Variants in EIF3G observed in about 807,000 individuals in gnomAD.
EIF3G encodes eukaryotic translation initiation factor 3 subunit G.
A neutral mutation model predicts 41.7 loss-of-function variants in EIF3G; 10 were observed. That is an observed-to-expected ratio of 0.24 (90% CI 0.15 to 0.41). The LOEUF is 0.41. Among genes scored for constraint, EIF3G ranks in the 10% least tolerant of loss-of-function variants. The probability of loss-of-function intolerance (pLI) is 1.00; values close to 1 mark genes in which losing one functional copy is unlikely to be tolerated. For synonymous variants in EIF3G, 204 were observed against 172.5 expected (o/e 1.18, Z -1.43); for missense variants, 297 against 444.0 (o/e 0.67, Z 2.98).
chr19:10,117,079 C>G lies in EIF3G; in HGVS notation c.405+5G>C, dbSNP rs759241458. 6.2e-7 allele frequency: 1 copy of G among 1,612,978 alleles called. No individual in the cohort carries two copies. The highest frequency in any genetic ancestry group is 8.5e-7 in the Non-Finnish European group (1 of 1,179,390). ...ATGCCAGCCCCACCTGATTGCCCCG[C>G]TTACCTCTTTGCTGGTGATGAACGT... On this transcript the variant is annotated splice_donor_5th_base_variant and intron_variant, in intron 6 of 10. Coordinates refer to ENST00000253108, the MANE Select transcript of EIF3G (RefSeq NM_003755.5).
chr19:10,117,595 G>A (rs958478230), intron 5 of EIF3G: 7 of 188,824 alleles, frequency 3.7e-5, no homozygotes, highest in Admixed American at 3.6e-4. Context: ...GGGCTCCTAA[G>A]GAGACTGAAT....
Position 10,115,956 on chromosome 19 carries a change from G to T in EIF3G, c.703+11C>A, listed in dbSNP as rs772746591. ...GCCCACCCACCAGCCTGGCGTCGGG[G>T]TGCCCCTCACCTCTGCGGTTGGGCT... On this transcript the variant is annotated intron_variant, in intron 8 of 10. Coordinates refer to ENST00000253108, the MANE Select transcript of EIF3G (RefSeq NM_003755.5). 1.2e-6 allele frequency: 2 copies of T among 1,611,462 alleles called. No homozygotes were observed. Among genetic ancestry groups the T allele is most frequent in the East Asian group, 4.5e-5 (2 of 44,796 alleles).
At chr19:10,118,564 CAAAA>C (rs61403454) in intron 5 of EIF3G, 100 bp downstream of exon 5, 4,140 of 905,248 alleles carry the variant, frequency 4.6e-3, no homozygotes, top group Non-Finnish European at 4.8e-3. Flanking sequence ...CACTCTGTCT[CAAAA>C]AAAAAAAAAA....
At chr19:10,118,150 TTAGA>T (rs1435376181) in intron 5 of EIF3G, 1 of 152,832 alleles carries the variant, frequency 6.5e-6, no homozygotes, top group African/African-American at 2.4e-5. Flanking sequence ...CGAACTTTGA[TTAGA>T]TATTTATCAT....
Position 10,119,868 on chromosome 19 carries a change from G to C in EIF3G, c.-9C>G. ...AAGTCTCCAGTAGGCATCGCAAAAAGTATTCTCCACGCAGCCCAAGCCCGG... is the reference window on the plus strand; with the variant it reads ...AAGTCTCCAGTAGGCATCGCAAAAACTATTCTCCACGCAGCCCAAGCCCGG... On this transcript the variant is annotated 5_prime_UTR_variant, in exon 1 of 11. Coordinates refer to ENST00000253108, the MANE Select transcript of EIF3G (RefSeq NM_003755.5). 1.2e-6 allele frequency: 2 copies of C among 1,614,168 alleles called. No homozygotes were observed. The highest frequency in any genetic ancestry group is 1.7e-6 in the Non-Finnish European group (2 of 1,180,040).
rs1478102044 is a variant in EIF3G at position 10,115,927 on chromosome 19, AGGTGCCCACCCACCAGCCTGGCGTCGG to A, written c.703+13_703+39del. On this transcript the variant is annotated intron_variant, in intron 8 of 10. Transcript: ENST00000253108. ...TCGGGGATAATTACGAGGTGCCGGG[AGGTGCCCACCCACCAGCCTGGCGTCGG>A]GGTGCCCCTCACCTCTGCGGTTGGG... 4.4e-6 allele frequency: 7 copies of A among 1,607,394 alleles called. No individual in the cohort carries two copies. Among genetic ancestry groups the A allele is most frequent in the Non-Finnish European group, 5.9e-6 (7 of 1,176,580 alleles).
In EIF3G at chr19:10,115,109, C is replaced by T. The variant is rs553624080; in HGVS notation, c.*5G>A. 1.9e-6 allele frequency: 3 copies of T among 1,614,010 alleles called. No homozygotes were observed. Among genetic ancestry groups the T allele is most frequent in the African/African-American group, 2.7e-5 (2 of 75,070 alleles). On this transcript the variant is annotated 3_prime_UTR_variant, in exon 11 of 11. Transcript: ENST00000253108. ...TCCCGGACCGAGTACACAGTGGCAG[C>T]TGGCTTAGTTGGTGGACGGCCTGGG...
At chr19:10,119,729 G>C in intron 1 of EIF3G, 29 bp from the exon 2 acceptor site, 1 of 1,612,632 alleles carries the variant, frequency 6.2e-7, no homozygotes, top group South Asian at 1.1e-5. Context: ...GGGGAACGAA[G>C]ATTAAGTCAG....
intron 5 of EIF3G, chr19:10,117,460 C>T (rs1030605945): frequency 1.9e-5 from 8 of 426,002 alleles, no homozygotes; most frequent in Middle Eastern, 5.9e-4. Context: ...GACCAGCTCC[C>T]ACCAGGGCGC....
In EIF3G at chr19:10,116,495, C is replaced by G. The variant is rs1469922841; in HGVS notation, c.595+305G>C. The G allele has an allele frequency of 4.0e-6, 2 of 494,124 alleles. No individual in the cohort carries two copies. Among genetic ancestry groups the G allele is most frequent in the Non-Finnish European group, 7.3e-6 (2 of 275,738 alleles). 30.6% of individuals were successfully genotyped at this position (494,124 alleles called of 1,614,324 possible). On this transcript the variant is annotated intron_variant, in intron 7 of 10. Coordinates refer to ENST00000253108, the MANE Select transcript of EIF3G (RefSeq NM_003755.5). This position sits in a 1 kb window ranked among gnomAD's most constrained non-coding sequence, Gnocchi z 4.1. Reference sequence around the variant, plus strand: ...GGACGGTACAGCCACAGGCATGCAACGGAGACACTATACACACAGTGCGCA... The same window carrying G: ...GGACGGTACAGCCACAGGCATGCAAGGGAGACACTATACACACAGTGCGCA...
chr19:10,118,509 G>A lies in EIF3G; in HGVS notation c.300+159C>T, dbSNP rs1230270309. 4 of 746,322 alleles carry A rather than the reference G, an allele frequency of 5.4e-6. No individual in the cohort carries two copies. The African/African-American group carries it at 5.4e-5, about 10-fold the overall frequency. 46.2% of individuals were successfully genotyped at this position (746,322 alleles called of 1,614,324 possible). On this transcript the variant is annotated intron_variant, in intron 5 of 10. Transcript: ENST00000253108. ...GAACCCAGGAGGCGGAGGTTGCAGT[G>A]AGTCGAGATCGTGCCACTGCACTTC...
chr19:10,119,632 C>T (rs1404398228), intron 2 of EIF3G, 22 bp downstream of exon 2: 1 of 1,556,798 alleles, frequency 6.4e-7, no homozygotes, highest in Non-Finnish European at 8.7e-7. Context: ...CGCGAATACC[C>T]CGGGCGACCG....
Position 10,115,740 on chromosome 19 carries a change from A to G in EIF3G, c.784T>C (p.Phe262Leu). Reference protein sequence around the residue: ...ETDLQELFRPFGSISRIYLAK... With the variant: ...ETDLQELFRPLGSISRIYLAK... ...AGGTAGATGCGGGAGATGGAGCCGAAAGGCCGGAAGAGCTCCTGCAGGTCG... is the reference window on the plus strand; with the variant it reads ...AGGTAGATGCGGGAGATGGAGCCGAGAGGCCGGAAGAGCTCCTGCAGGTCG... The change falls in exon 9 of 11, where the codon TTC (phenylalanine) becomes CTC (leucine). Residue 262 changes from phenylalanine (F) to leucine (L), a missense_variant. Transcript: ENST00000253108. 1 of 1,614,186 alleles carries G rather than the reference A, an allele frequency of 6.2e-7. No homozygotes were observed. Among genetic ancestry groups the G allele is most frequent in the South Asian group, 1.1e-5 (1 of 91,088 alleles).
chr19:10,115,474 C>T lies in EIF3G; in HGVS notation c.947+5G>A. The T allele has an allele frequency of 1.2e-6, 2 of 1,604,030 alleles. No homozygotes were observed. The highest frequency in any genetic ancestry group is 1.3e-5 in the African/African-American group (1 of 74,986). The stretch of plus-strand genomic sequence containing the variant: ...GCAGGGGCTGGGGCAGGGATGGAGT[C>T]TTACTTGGCCCACTCGACGTTGAGG... On this transcript the variant is annotated splice_donor_5th_base_variant and intron_variant, in intron 10 of 10. Coordinates refer to ENST00000253108, the MANE Select transcript of EIF3G (RefSeq NM_003755.5).
intron 10 of EIF3G, 82 bp downstream of exon 10, chr19:10,115,397 A>T: frequency 6.9e-7 from 1 of 1,449,872 alleles, no homozygotes; most frequent in Non-Finnish European, 9.4e-7. Context: ...AAATTGGCTC[A>T]GGGCTATTGG....
At position 10,119,212 on chromosome 19, in the gene EIF3G, G is replaced by A. The variant is rs376680911; in HGVS notation, c.68-41C>T. The A allele has an allele frequency of 1.0e-4, 160 of 1,541,044 alleles. 1 individual carries two copies. The highest frequency in any genetic ancestry group is 7.4e-4 in the South Asian group (62 of 84,232). On this transcript the variant is annotated intron_variant, in intron 2 of 10. Transcript: ENST00000253108. ...TAGGAAGGAGGAGTCAGCTCCAGGG[G>A]CAGGAGCTCCCCAGCTGCGATGGAA... is the stretch of plus-strand genomic sequence containing the variant.
chr19:10,119,585 A>G, intron 2 of EIF3G, 69 bp downstream of exon 2: 6 of 1,529,350 alleles, frequency 3.9e-6, no homozygotes, highest in Non-Finnish European at 5.3e-6. Context: ...AGACTGGGAG[A>G]TGGAAGCAGG....
At chr19:10,119,014 G>C (rs771174175) in intron 3 of EIF3G, 58 bp from the exon 4 acceptor site, 1 of 1,612,972 alleles carries the variant, frequency 6.2e-7, no homozygotes, top group South Asian at 1.1e-5. Context: ...GATCAGGAGC[G>C]GCAGGGCTGG....
At position 10,117,173 on chromosome 19, in the gene EIF3G, C is replaced by T. The variant is rs370039447; in HGVS notation, c.316G>A (p.Gly106Arg). Residue 106 changes from glycine to arginine, a missense_variant, in exon 6 of 11, where the codon GGG (glycine) becomes AGG (arginine). Coordinates refer to ENST00000253108, the MANE Select transcript of EIF3G (RefSeq NM_003755.5). ...CCGGGGGGGTCAAACTCTGAGTTCC[C>T]GAACTTCTTCCAGTTCTGGGCTCAG... ...VARRKNWKKF[G>R]NSEFDPPGPN... 1 of 1,611,010 alleles carries T rather than the reference C, an allele frequency of 6.2e-7. No homozygotes were observed. The highest frequency in any genetic ancestry group is 8.5e-7 in the Non-Finnish European group (1 of 1,178,706).
Sources: gnomAD v4.1 joint callset for allele counts on GRCh38, gnomAD v4.1.1 for gene constraint, Gnocchi (gnomAD v3.1) non-coding constraint, MANE v1.5 for transcripts, NCBI Gene and HGNC (gene_info 2026-07-23, HGNC 2026-07-21) for gene names.